JAK2: variants seen among roughly 807,000 people sequenced by gnomAD.
JAK2 encodes the protein tyrosine-protein kinase JAK2.
Under a neutral mutation model 139.3 loss-of-function variants are expected in JAK2, and 86 were observed. That is an observed-to-expected ratio of 0.62 (90% CI 0.52 to 0.74). The LOEUF (loss-of-function observed/expected upper bound fraction) is 0.74. Among genes scored for constraint, JAK2 ranks in the 30% least tolerant of loss-of-function variants. JAK2 has a pLI of 0.00. For missense variants in JAK2, 1,421 were observed against 1,360.3 expected, an observed-to-expected ratio of 1.04 and a Z score of -0.70; for synonymous variants, 490 against 437.7, an observed-to-expected ratio of 1.12 and a Z score of -1.49.
chr9:5,064,325 T>G (rs909069698), intron 8 of JAK2, among the ~76,000 whole-genome samples: 4 of 151,840 alleles, frequency 2.6e-5, no homozygotes, highest in African/African-American at 9.7e-5. Context: ...AGGTCAGGAG[T>G]TGGAGACCAG....
intron 2 of JAK2, among the ~76,000 whole-genome samples, chr9:4,990,085 A>G (rs1248752330): frequency 6.6e-6 from 1 of 152,254 alleles, no homozygotes; most frequent in Non-Finnish European, 1.5e-5. Flanking sequence ...CTTAGAAATA[A>G]GTCAGATTGC....
In JAK2 at chr9:4,988,203, CA is replaced by C. The variant is rs566976381; in HGVS notation, c.-26+2184del. On this transcript the variant is annotated intron_variant, in intron 2 of 24. Coordinates refer to ENST00000381652, the MANE Select transcript of JAK2 (RefSeq NM_004972.4). ...CCCCTCCTCTTAGCTCCCAGTTTCC[CA>C]AACTGTGTGCCAAGGTGCCCAGAGC... Among the ~76,000 whole-genome samples the C allele has an allele frequency of 2.5e-3, 384 of 152,316 alleles. 4 individuals carry two copies. Among genetic ancestry groups the C allele is most frequent in the Middle Eastern group, 0.017 (5 of 294 alleles).
At chr9:5,069,298 A>G (rs1330888370) in intron 11 of JAK2, 90 bp downstream of exon 11, 6 of 791,952 alleles carry the variant, frequency 7.6e-6, no homozygotes, top group Non-Finnish European at 1.2e-5. Flanking sequence ...TTCAAAGGAT[A>G]TATGAAAGAA....
intron 6 of JAK2, among the ~76,000 whole-genome samples, chr9:5,051,309 G>A (rs1356357041): frequency 6.6e-6 from 1 of 152,128 alleles, no homozygotes; most frequent in Non-Finnish European, 1.5e-5. Flanking sequence ...GAAGTTCAGA[G>A]GAACAGAAGA....
intron 22 of JAK2, chr9:5,109,591 A>G (rs567157987): frequency 6.6e-6 from 1 of 152,160 alleles, no homozygotes; most frequent in African/African-American, 2.4e-5. Context: ...TCATACCCAA[A>G]TTACATAAAA....
intron 2 of JAK2, among the ~76,000 whole-genome samples, chr9:4,999,344 T>C (rs1820795134): frequency 6.6e-6 from 1 of 152,232 alleles, no homozygotes; most frequent in African/African-American, 2.4e-5. Flanking sequence ...GTATTTTATA[T>C]ACTGTTTTAA....
intron 4 of JAK2, chr9:5,041,353 C>A: frequency 1.6e-6 from 1 of 639,696 alleles, no homozygotes; most frequent in Non-Finnish European, 2.9e-6. Context: ...CGGCGTGCTA[C>A]ATGAGCATCA....
At chr9:5,001,625 ATT>A (rs201169908) in intron 2 of JAK2, among the ~76,000 whole-genome samples, 64 of 143,382 alleles carry the variant, frequency 4.5e-4, no homozygotes, top group South Asian at 2.0e-3. Flanking sequence ...TTTGCCTGTA[ATT>A]TTTTTTTTTT....
At chr9:5,087,504 A>C (rs771940344) in intron 19 of JAK2, among the ~76,000 whole-genome samples, 3 of 152,186 alleles carry the variant, frequency 2.0e-5, no homozygotes, top group Non-Finnish European at 4.4e-5. Context: ...TCCTGGTCCT[A>C]TCTCAAACCC....
chr9:5,122,932 A>G lies in JAK2; in HGVS notation c.3060-72A>G, dbSNP rs10815163. On this transcript the variant is annotated intron_variant, in intron 22 of 24. Transcript: ENST00000381652. ...CATGTTTTTTTTTTTAATTTATACA[A>G]TGATTTGCAGGTAAAATCAAGAGTC... The G allele has an allele frequency of 0.27, 242,622 of 907,234 alleles. 40,223 individuals carry two copies. The highest frequency in any genetic ancestry group is 0.72 in the African/African-American group (41,956 of 58,288). The allele number at this position is 907,234 out of a possible 1,614,324, so 56.2% of individuals were successfully genotyped here.
chr9:5,080,872 T>A (rs920703038), intron 18 of JAK2, among the ~76,000 whole-genome samples, 189 bp downstream of exon 18: 5 of 150,248 alleles, frequency 3.3e-5, no homozygotes, highest in Non-Finnish European at 5.9e-5. Context: ...ATTATTTTCA[T>A]TTTTATAAAA....
chr9:5,051,429 G>A (rs988081126), intron 6 of JAK2, among the ~76,000 whole-genome samples: 6 of 152,076 alleles, frequency 3.9e-5, no homozygotes, highest in Admixed American at 3.3e-4. Context: ...TTAGACTCAC[G>A]TGGGGGAGCC....
At chr9:5,085,991 T>C (rs1266446052) in intron 19 of JAK2, 14 of 937,504 alleles carry the variant, frequency 1.5e-5, no homozygotes, top group Non-Finnish European at 2.5e-5. Context: ...TGTACGGGGT[T>C]GTGTGATGAA....
intron 2 of JAK2, among the ~76,000 whole-genome samples, chr9:5,005,227 G>T (rs1821217768): frequency 6.7e-6 from 1 of 150,268 alleles, no homozygotes; most frequent in South Asian, 2.1e-4. Context: ...TGGGATTACA[G>T]GGTTGAGCCA....
Position 5,077,466 on chromosome 9 carries a change from G to T in JAK2, c.1878G>T (p.Gln626His). Reference protein sequence around the residue: ...CVCGDENILVQEFVKFGSLDT... With the variant: ...CVCGDENILVHEFVKFGSLDT... ...ATTTTAATGCAGATATTCTGGTTCA[G>T]GAGTTTGTAAAATTTGGATCACTAG... The change falls in exon 15 of 25, where the codon CAG becomes CAT. Residue 626 changes from glutamine (Q) to histidine (H), a missense_variant. Gln to His is a conservative substitution (Grantham distance 24, BLOSUM62 0). Transcript: ENST00000381652. The T allele has an allele frequency of 8.4e-7, 1 of 1,191,710 alleles. No individual in the cohort carries two copies. The highest frequency in any genetic ancestry group is 1.6e-5 in the African/African-American group (1 of 61,974). 73.8% of individuals were successfully genotyped at this position (1,191,710 alleles called of 1,614,324 possible). A position where few individuals can be genotyped will look rare whatever the true frequency, so the allele number is the denominator to read the frequency against.
intron 2 of JAK2, among the ~76,000 whole-genome samples, chr9:5,010,395 G>A (rs1189673538): frequency 1.3e-5 from 2 of 150,570 alleles, no homozygotes; most frequent in Non-Finnish European, 2.9e-5. Context: ...CATGACCTCC[G>A]TTGCAACCTC....
intron 3 of JAK2, among the ~76,000 whole-genome samples, chr9:5,025,869 A>C (rs1408396028): frequency 6.6e-6 from 1 of 152,178 alleles, no homozygotes; most frequent in Non-Finnish European, 1.5e-5. Context: ...TAAATTAATG[A>C]ATCTTTTTAA....
At position 5,062,682 on chromosome 9, in the gene JAK2, G is replaced by C. The variant is rs545767052; in HGVS notation, c.1057-2201G>C. On this transcript the variant is annotated intron_variant, in intron 8 of 24. Coordinates refer to ENST00000381652, the MANE Select transcript of JAK2 (RefSeq NM_004972.4). ...ATTATTAAAATACTTCTCAAAAGGT[G>C]TTTCCAATGTATCTGTACACCTGTT... Among the ~76,000 whole-genome samples the C allele has an allele frequency of 2.6e-5, 4 of 152,156 alleles. No homozygotes were observed. The South Asian group carries it at 8.3e-4, about 32-fold the overall frequency.
At chr9:5,021,289 T>G (rs1822412476) in intron 2 of JAK2, among the ~76,000 whole-genome samples, 1 of 152,212 alleles carries the variant, frequency 6.6e-6, no homozygotes, top group South Asian at 2.1e-4. Context: ...GGTTCTTCTT[T>G]GTGGAGCAGG....
Sources: gnomAD v4.1 joint callset for allele counts (sites outside exome capture counted in the v4.1 genomes callset) on GRCh38, gnomAD v4.1.1 for gene constraint, MANE v1.5 for transcripts, NCBI Gene and HGNC (gene_info 2026-07-23, HGNC 2026-07-21) for gene names.